NOS1: variants seen among roughly 807,000 people sequenced by gnomAD.
The protein encoded by NOS1 is nitric oxide synthase 1.
In NOS1, 51 loss-of-function variants were observed where a neutral mutation model predicts 164.5. That is an observed-to-expected ratio of 0.31 (90% CI 0.25 to 0.39). The LOEUF (loss-of-function observed/expected upper bound fraction) is 0.39, where lower values mean the gene tolerates loss of function less well. NOS1 is among the 10% of genes least tolerant of loss of function. The pLI, the probability that NOS1 is intolerant of heterozygous loss-of-function variation, is 1.00. For synonymous variants in NOS1, 719 were observed against 745.8 expected (o/e 0.96, Z 0.59); for missense variants, 1,362 against 1,885.6 (o/e 0.72, Z 5.14).
chr12:117,299,036 G>C (rs975674666), intron 3 of NOS1, among the ~76,000 whole-genome samples: 1 of 152,234 alleles, frequency 6.6e-6, no homozygotes, highest in African/African-American at 2.4e-5. Flanking sequence ...GCTGGGCAGA[G>C]GGCCATTCAC....
At chr12:117,264,651 T>C (rs9658399) in intron 12 of NOS1, among the ~76,000 whole-genome samples, 81,150 of 117,352 alleles carry the variant, frequency 0.69, 28,662 homozygotes, top group African/African-American at 0.82. Context: ...CTCTCCCTCT[T>C]TCCCTCTACA....
intron 17 of NOS1, among the ~76,000 whole-genome samples, chr12:117,249,191 TG>T (rs1174539368): frequency 6.6e-6 from 1 of 152,196 alleles, no homozygotes; most frequent in Non-Finnish European, 1.5e-5. Flanking sequence ...CTAATATATC[TG>T]GTATCTCAAG....
At chr12:117,308,435 G>A (rs1874260958) in intron 3 of NOS1, among the ~76,000 whole-genome samples, 1 of 152,076 alleles carries the variant, frequency 6.6e-6, no homozygotes, top group African/African-American at 2.4e-5. Context: ...CTTAAGTCTA[G>A]GAGATTGAGG....
Position 117,331,306 on chromosome 12 carries a change from A to AG in NOS1, c.-238_-237insC. The stretch of plus-strand genomic sequence containing the variant: ...CCGCCTCTCTCCTTATTCTCTAAGG[A>AG]AGTGATGGTTGACCAGGCAGACGTC... On this transcript the variant is annotated 5_prime_UTR_variant, in exon 2 of 29. Transcript: ENST00000317775. The AG allele has an allele frequency of 1.9e-6, 1 of 537,808 alleles. No individual in the cohort carries two copies. Among genetic ancestry groups the AG allele is most frequent in the Non-Finnish European group, 3.3e-6 (1 of 302,998 alleles). 33.3% of individuals were successfully genotyped at this position (537,808 alleles called of 1,614,324 possible).
chr12:117,325,983 G>C (rs73409519), intron 2 of NOS1, among the ~76,000 whole-genome samples: 6,817 of 152,278 alleles, frequency 0.045, 521 homozygotes, highest in African/African-American at 0.16. Context: ...AGTGCGAGTA[G>C]CACTTCTAAC....
chr12:117,314,607 C>T (rs567279521), intron 2 of NOS1, among the ~76,000 whole-genome samples: 1 of 152,188 alleles, frequency 6.6e-6, no homozygotes, highest in South Asian at 2.1e-4. Flanking sequence ...TGCCAAGATC[C>T]TTCCTTTTTT....
intron 3 of NOS1, among the ~76,000 whole-genome samples, chr12:117,298,336 A>G (rs573844508): frequency 6.6e-6 from 1 of 152,204 alleles, no homozygotes; most frequent in South Asian, 2.1e-4. Context: ...CCCAGGCGGT[A>G]ATGCGAGCGA....
intron 1 of NOS1, among the ~76,000 whole-genome samples, chr12:117,341,145 A>G (rs1876093208): frequency 1.3e-5 from 2 of 152,116 alleles, no homozygotes; most frequent in Admixed American, 6.5e-5. Context: ...TTTTCTATTG[A>G]GCATCCGTAG....
intron 21 of NOS1, among the ~76,000 whole-genome samples, chr12:117,232,742 A>G (rs571678521): frequency 3.3e-5 from 5 of 152,130 alleles, no homozygotes; most frequent in Non-Finnish European, 7.4e-5. Context: ...TACCCCCTCT[A>G]TACACTCTTC....
At chr12:117,250,056 A>G (rs1870964390) in intron 17 of NOS1, among the ~76,000 whole-genome samples, 1 of 152,076 alleles carries the variant, frequency 6.6e-6, no homozygotes, top group South Asian at 2.1e-4. Context: ...CTTTTTTAGG[A>G]CGATGGGGAC....
At chr12:117,325,624 T>C (rs1350727504) in intron 2 of NOS1, among the ~76,000 whole-genome samples, 2 of 152,210 alleles carry the variant, frequency 1.3e-5, no homozygotes, top group Admixed American at 6.5e-5. Flanking sequence ...TAAACACGGC[T>C]TTAAAACAGA....
chr12:117,309,485 A>G, intron 3 of NOS1: 1 of 631,858 alleles, frequency 1.6e-6, no homozygotes, highest in Non-Finnish European at 2.0e-6. Context: ...TAGGCCAAGC[A>G]TCAGGAAAAT....
intron 3 of NOS1, among the ~76,000 whole-genome samples, chr12:117,297,018 A>G (rs919854061): frequency 2.0e-5 from 3 of 152,248 alleles, no homozygotes; most frequent in African/African-American, 7.2e-5. Flanking sequence ...CACCCAGGCA[A>G]TGGTCCTTTG....
chr12:117,221,467 A>G (rs1297588691), intron 26 of NOS1, among the ~76,000 whole-genome samples: 1 of 149,114 alleles, frequency 6.7e-6, no homozygotes, highest in African/African-American at 2.5e-5. Context: ...TATTTTTATT[A>G]GAGATGGGCT....
intron 2 of NOS1, among the ~76,000 whole-genome samples, chr12:117,324,063 C>G (rs1427018512): frequency 6.6e-6 from 1 of 152,060 alleles, no homozygotes; most frequent in East Asian, 1.9e-4. Flanking sequence ...GCATGAGCCA[C>G]CACACCTGGC....
intron 20 of NOS1, 113 bp downstream of exon 20, chr12:117,242,514 A>G (rs1398461031): frequency 1.1e-6 from 1 of 885,620 alleles, no homozygotes; most frequent in Non-Finnish European, 1.9e-6. Context: ...TCTCTATGGC[A>G]CTTTGCAATG....
chr12:117,248,908 A>G (rs1332072823), intron 17 of NOS1, among the ~76,000 whole-genome samples: 1 of 152,130 alleles, frequency 6.6e-6, no homozygotes, highest in Non-Finnish European at 1.5e-5. Context: ...GTGAGACGGT[A>G]TCTCATTGTG....
intron 14 of NOS1, 98 bp from the exon 15 acceptor site, chr12:117,259,228 G>A: frequency 1.3e-6 from 1 of 768,240 alleles, no homozygotes; most frequent in Non-Finnish European, 2.2e-6. Context: ...GGAAGGGCAA[G>A]AGGAGAGAAA....
chr12:117,308,814 C>T (rs1473684633), intron 3 of NOS1, among the ~76,000 whole-genome samples: 1 of 152,056 alleles, frequency 6.6e-6, no homozygotes, highest in Non-Finnish European at 1.5e-5. Context: ...TCAGGCTGGT[C>T]TTGAACTCTT....
Sources: allele counts gnomAD v4.1 joint callset (sites outside exome capture counted in the v4.1 genomes callset), GRCh38; gene constraint gnomAD v4.1.1; transcripts MANE v1.5; gene names NCBI Gene and HGNC (gene_info 2026-07-23, HGNC 2026-07-21).